Variants in DYSF observed in about 807,000 individuals in gnomAD.
The protein encoded by DYSF is dysferlin, also known as dystrophy-associated fer-1-like 1.
DYSF carries 212 observed loss-of-function variants against 274.9 expected under a neutral mutation model. The ratio of observed to expected loss-of-function variants is 0.77; its 90% CI spans 0.69 to 0.86. DYSF has a LOEUF of 0.86. Ranked by LOEUF, DYSF falls within the 40% of genes least tolerant of loss-of-function variation. The pLI, the probability that DYSF is intolerant of heterozygous loss-of-function variation, is 0.00. For synonymous variants in DYSF, 1,091 were observed against 1,078.7 expected, an observed-to-expected ratio of 1.01 and a Z score of -0.22; for missense variants, 2,666 against 2,783.2, an observed-to-expected ratio of 0.96 and a Z score of 0.95.
intron 32 of DYSF, among the ~76,000 whole-genome samples, chr2:71,594,118 C>A (rs2093345223): frequency 6.6e-6 from 1 of 152,182 alleles, no homozygotes; most frequent in Non-Finnish European, 1.5e-5. Flanking sequence ...GCCGGAGCTG[C>A]CCACAGCTGG....
intron 30 of DYSF, among the ~76,000 whole-genome samples, chr2:71,586,693 T>C (rs1048489469): frequency 6.6e-6 from 1 of 151,630 alleles, no homozygotes. Flanking sequence ...AGGGGCCCAG[T>C]GAGGGGGGCC....
intron 3 of DYSF, among the ~76,000 whole-genome samples, chr2:71,497,178 G>A (rs1360893027): frequency 6.6e-6 from 1 of 152,194 alleles, no homozygotes; most frequent in African/African-American, 2.4e-5. Flanking sequence ...CAGGGGAATT[G>A]CAACAGAAAA....
intron 3 of DYSF, among the ~76,000 whole-genome samples, chr2:71,485,082 C>G (rs1011993119): frequency 9.2e-5 from 14 of 152,336 alleles, no homozygotes; most frequent in African/African-American, 3.4e-4. Flanking sequence ...CCAGAAACAC[C>G]TTTCTTATAA....
At chr2:71,470,337 T>G (rs1026985745) in intron 1 of DYSF, among the ~76,000 whole-genome samples, 1 of 151,994 alleles carries the variant, frequency 6.6e-6, no homozygotes, top group Non-Finnish European at 1.5e-5. Context: ...GGCCCCGGAC[T>G]CTCTGAACCT....
At position 71,551,463 on chromosome 2, in the gene DYSF, T is replaced by C; in HGVS notation, c.1693-144T>C. The C allele has an allele frequency of 9.8e-6, 7 of 717,304 alleles. 1 individual carries two copies. The South Asian group carries it at 1.2e-4, about 12-fold the overall frequency. The allele number at this position is 717,304 out of a possible 1,614,324, so 44.4% of individuals were successfully genotyped here. ...CCCCCGAACTCTCTGGGCCATGCTTTCCTCACCTGCAGGGGGGATGAGGTT... is the reference window on the plus strand; with the variant it reads ...CCCCCGAACTCTCTGGGCCATGCTTCCCTCACCTGCAGGGGGGATGAGGTT... On this transcript the variant is annotated intron_variant, in intron 18 of 55. Coordinates refer to ENST00000410020, the MANE Select transcript of DYSF (RefSeq NM_001130987.2).
chr2:71,611,758 C>A, intron 38 of DYSF, 132 bp downstream of exon 38: 1 of 1,222,578 alleles, frequency 8.2e-7, no homozygotes, highest in Non-Finnish European at 1.2e-6. Context: ...TTCCTGTGAA[C>A]ATGGGGAGAA....
intron 51 of DYSF, among the ~76,000 whole-genome samples, chr2:71,672,051 G>C (rs1169290316): frequency 1.3e-5 from 2 of 152,184 alleles, no homozygotes; most frequent in Non-Finnish European, 2.9e-5. Flanking sequence ...GACGTTCTCC[G>C]TGATGCCAGA....
chr2:71,613,969 C>T (rs2093826830), intron 40 of DYSF, among the ~76,000 whole-genome samples: 2 of 152,180 alleles, frequency 1.3e-5, no homozygotes, highest in African/African-American at 2.4e-5. Context: ...ATTCTAAGGT[C>T]TCCAGCCCTG....
At chr2:71,640,682 C>T (rs2094472530) in intron 41 of DYSF, among the ~76,000 whole-genome samples, 1 of 152,068 alleles carries the variant, frequency 6.6e-6, no homozygotes, top group African/African-American at 2.4e-5. Flanking sequence ...CTGCTGCCAT[C>T]TGTTCGTTAG....
At chr2:71,617,062 A>AGG (rs1302288342) in intron 40 of DYSF, among the ~76,000 whole-genome samples, 1 of 152,184 alleles carries the variant, frequency 6.6e-6, no homozygotes, top group African/African-American at 2.4e-5. Context: ...CTGTGCCCCC[A>AGG]GAAATCGCAC....
At chr2:71,586,878 C>T (rs1022375585) in intron 30 of DYSF, among the ~76,000 whole-genome samples, 17 of 152,056 alleles carry the variant, frequency 1.1e-4, no homozygotes, top group African/African-American at 3.9e-4. Context: ...TGTGTGTGGC[C>T]GGACTGAGGT....
At chr2:71,591,246 C>T (rs66954904) in intron 32 of DYSF, among the ~76,000 whole-genome samples, 6,674 of 152,308 alleles carry the variant, frequency 0.044, 209 homozygotes, top group Middle Eastern at 0.092. Flanking sequence ...CAAGACCCAG[C>T]CCAGATGCCC....
At chr2:71,563,959 C>T (rs2091936416) in intron 23 of DYSF, 99 bp from the exon 24 acceptor site, 2 of 1,521,184 alleles carry the variant, frequency 1.3e-6, no homozygotes, top group East Asian at 2.3e-5. Flanking sequence ...AGAGGAGAGG[C>T]CTCTGTGGCC....
At chr2:71,498,412 G>C (rs1190135249) in intron 3 of DYSF, among the ~76,000 whole-genome samples, 1 of 152,216 alleles carries the variant, frequency 6.6e-6, no homozygotes, top group Non-Finnish European at 1.5e-5. Flanking sequence ...CTAGCCATGA[G>C]TCAATTCCTG....
intron 41 of DYSF, among the ~76,000 whole-genome samples, chr2:71,630,787 G>T (rs373242388): frequency 6.6e-6 from 1 of 152,200 alleles, no homozygotes; most frequent in East Asian, 1.9e-4. Flanking sequence ...GCCTAGGTCT[G>T]CTCTCCCCTG....
Position 71,562,505 on chromosome 2 carries a change from C to A in DYSF, c.2409+561C>A, listed in dbSNP as rs114229309. On this transcript the variant is annotated intron_variant, in intron 23 of 55. Coordinates refer to ENST00000410020, the MANE Select transcript of DYSF (RefSeq NM_001130987.2). ...TATTTCCCCACCTGCAGACCCTCCCCCTGAGGTCTCTGTGGCCAGATGCAC... is the reference window on the plus strand; with the variant it reads ...TATTTCCCCACCTGCAGACCCTCCCACTGAGGTCTCTGTGGCCAGATGCAC... 3.3e-5 allele frequency among the ~76,000 whole-genome samples: 5 copies of A among 152,292 alleles called. 1 individual carries two copies. In the East Asian group the frequency reaches 5.8e-4, roughly 18 times the overall value.
rs144593220 is a variant in DYSF at position 71,478,314 on chromosome 2, C to T, written c.92-2569C>T. Among the ~76,000 whole-genome samples, 609 of 151,776 alleles carry T rather than the reference C, an allele frequency of 4.0e-3. 3 individuals carry two copies. The highest frequency in any genetic ancestry group is 0.014 in the African/African-American group (571 of 41,362). ...GCAAGCCCCGCCTCCTGGGTTCACG[C>T]CATTCTCCTGCCTCAGCCTCCCGAG... On this transcript the variant is annotated intron_variant, in intron 1 of 55. Transcript: ENST00000410020.
rs1263866503 is a variant in DYSF at position 71,481,866 on chromosome 2, CTT to C, written c.148-9_148-8del. The C allele has an allele frequency of 6.2e-7, 1 of 1,612,966 alleles. No homozygotes were observed. The highest frequency in any genetic ancestry group is 8.5e-7 in the Non-Finnish European group (1 of 1,179,012). On this transcript the variant is annotated splice_polypyrimidine_tract_variant and intron_variant, in intron 2 of 55. Transcript: ENST00000410020. The stretch of plus-strand genomic sequence containing the variant: ...GGCCATAGGTTAAGATGCCTTTTCT[CTT>C]TTTCTTCCAGGGATTTGAATGGGAC...
At chr2:71,653,638 C>T (rs1466156367) in intron 42 of DYSF, among the ~76,000 whole-genome samples, 7 of 123,236 alleles carry the variant, frequency 5.7e-5, no homozygotes, top group African/African-American at 2.3e-4. Flanking sequence ...GGAAGGGGAA[C>T]ATCACACTCT....
Sources: gnomAD v4.1 joint callset for allele counts (sites outside exome capture counted in the v4.1 genomes callset) on GRCh38, gnomAD v4.1.1 for gene constraint, MANE v1.5 for transcripts, NCBI Gene and HGNC (gene_info 2026-07-23, HGNC 2026-07-21) for gene names.